Variants in SPATA17 observed in about 807,000 individuals in gnomAD.
SPATA17 encodes the protein spermatogenesis associated 17.
A neutral mutation model predicts 62.2 loss-of-function variants in SPATA17; 53 were observed. The observed-to-expected ratio is 0.85, with a 90% confidence interval of 0.68 to 1.07. The LOEUF (loss-of-function observed/expected upper bound fraction) is 1.07. SPATA17 is among the 50% of genes least tolerant of loss of function. The pLI, the probability that SPATA17 is intolerant of heterozygous loss-of-function variation, is 0.00. For synonymous variants in SPATA17, 146 were observed against 146.8 expected (o/e 0.99, Z 0.04); for missense variants, 466 against 425.5 (o/e 1.10, Z -0.84).
At chr1:217,726,865 T>C (rs193126264) in intron 5 of SPATA17, among the ~76,000 whole-genome samples, 1 of 152,050 alleles carries the variant, frequency 6.6e-6, no homozygotes, top group East Asian at 1.9e-4. Flanking sequence ...TTAAATGGAG[T>C]ATCATCTTTA....
intron 9 of SPATA17, among the ~76,000 whole-genome samples, chr1:217,834,132 C>T (rs1474404205): frequency 6.6e-6 from 1 of 152,090 alleles, no homozygotes; most frequent in African/African-American, 2.4e-5. Flanking sequence ...GATGTCGTGC[C>T]ACATTGCATT....
Position 217,774,521 on chromosome 1 carries a change from A to G in SPATA17, c.707A>G (p.Asn236Ser), listed in dbSNP as rs371913783. ...CGGTCTGAAATTCTACCACCTATTA[A>G]TAGAAAGCAATGTCAGGTACTAGTT... ...FPRSEILPPI[N>S]RKQCQGPFRD... The change falls in exon 7 of 11, where the codon AAT (asparagine) becomes AGT (serine). Residue 236 changes from asparagine (N) to serine (S), a missense_variant. By Grantham distance (46) the Asn-to-Ser change is conservative (BLOSUM62 1). Coordinates refer to ENST00000366933, the MANE Select transcript of SPATA17 (RefSeq NM_138796.4). 1.9e-6 allele frequency: 3 copies of G among 1,613,594 alleles called. No homozygotes were observed. The highest frequency in any genetic ancestry group is 2.5e-6 in the Non-Finnish European group (3 of 1,179,752).
chr1:217,732,965 A>G (rs577876477), intron 5 of SPATA17, among the ~76,000 whole-genome samples: 2 of 152,286 alleles, frequency 1.3e-5, no homozygotes, highest in East Asian at 1.9e-4. Flanking sequence ...TAGAAAGAAT[A>G]CTATACAAAA....
At chr1:217,714,488 C>CTTTTTGTTTTTTTTTTTTTTTTTTTT (rs1671952607) in intron 5 of SPATA17, among the ~76,000 whole-genome samples, 2 of 121,432 alleles carry the variant, frequency 1.6e-5, no homozygotes, top group East Asian at 2.3e-4. Flanking sequence ...AAACGTGTTT[C>CTTTTTGTTTTTTTTTTTTTTTTTTTT]TTTTTTTTTT....
chr1:217,647,162 G>A (rs552245982), intron 1 of SPATA17, among the ~76,000 whole-genome samples: 1 of 152,332 alleles, frequency 6.6e-6, no homozygotes, highest in African/African-American at 2.4e-5. Context: ...TTAGTAAAAC[G>A]TATTTATTTC....
chr1:217,782,162 C>G lies in SPATA17; in HGVS notation c.724-12C>G. ...TTCCATATAAAATATGTTCCTCATC[C>G]TGTCTTGTCAGGGGCCCTTCCGAGA... On this transcript the variant is annotated splice_polypyrimidine_tract_variant and intron_variant, in intron 7 of 10. Coordinates refer to ENST00000366933, the MANE Select transcript of SPATA17 (RefSeq NM_138796.4). 6.4e-7 allele frequency: 1 copy of G among 1,572,976 alleles called. No individual in the cohort carries two copies. The highest frequency in any genetic ancestry group is 8.6e-7 in the Non-Finnish European group (1 of 1,163,072).
At chr1:217,857,683 G>A (rs72730529) in intron 9 of SPATA17, among the ~76,000 whole-genome samples, 4,591 of 152,198 alleles carry the variant, frequency 0.03, 101 homozygotes, top group Middle Eastern at 0.051. Context: ...ATCAACACCA[G>A]ATTTCTCCCA....
At chr1:217,810,330 A>G (rs181434664) in intron 9 of SPATA17, among the ~76,000 whole-genome samples, 74 of 152,328 alleles carry the variant, frequency 4.9e-4, no homozygotes, top group Admixed American at 1.0e-3. Context: ...ACACATTATT[A>G]TTCTTGTTGG....
chr1:217,771,832 G>A (rs1428370125), intron 6 of SPATA17, among the ~76,000 whole-genome samples: 1 of 98,998 alleles, frequency 1.0e-5, no homozygotes, highest in African/African-American at 4.0e-5. Flanking sequence ...ATGTATACAC[G>A]TGCATGCAAA....
At chr1:217,774,060 A>C (rs936998920) in intron 6 of SPATA17, among the ~76,000 whole-genome samples, 1 of 152,190 alleles carries the variant, frequency 6.6e-6, no homozygotes, top group Admixed American at 6.5e-5. Flanking sequence ...TGATGTAAAA[A>C]GGCTGTGTGA....
chr1:217,850,590 AG>A, intron 9 of SPATA17: 1 of 1,596,600 alleles, frequency 6.3e-7, no homozygotes, highest in Non-Finnish European at 8.6e-7. Flanking sequence ...CTCCACTTCA[AG>A]GGTGATGGTC....
intron 9 of SPATA17, among the ~76,000 whole-genome samples, chr1:217,820,321 A>T (rs1450729664): frequency 6.6e-6 from 1 of 152,074 alleles, no homozygotes; most frequent in African/African-American, 2.4e-5. Context: ...TGGATACTGA[A>T]TTTTAGAGAG....
chr1:217,650,695 A>G (rs551452908), intron 2 of SPATA17, among the ~76,000 whole-genome samples: 65 of 152,338 alleles, frequency 4.3e-4, no homozygotes, highest in African/African-American at 1.5e-3. Flanking sequence ...AAGTGCTGGG[A>G]TTACGGGCAT....
chr1:217,645,729 T>A (rs1670166719), intron 1 of SPATA17, among the ~76,000 whole-genome samples: 1 of 152,182 alleles, frequency 6.6e-6, no homozygotes, highest in Non-Finnish European at 1.5e-5. Flanking sequence ...TTGTATCTTT[T>A]CCATGTTGGC....
chr1:217,806,286 G>T lies in SPATA17; in HGVS notation c.1005+4436G>T, dbSNP rs1052362821. 2.0e-5 allele frequency among the ~76,000 whole-genome samples: 3 copies of T among 152,166 alleles called. No individual in the cohort carries two copies. The South Asian group carries it at 6.2e-4, about 31-fold the overall frequency. ...GGTGAGGTAGAGTCTCTCTGCAAGG[G>T]TCCTGCCCACATAGCTCCGTGTAAG... On this transcript the variant is annotated intron_variant, in intron 9 of 10. Coordinates refer to ENST00000366933, the MANE Select transcript of SPATA17 (RefSeq NM_138796.4).
intron 5 of SPATA17, among the ~76,000 whole-genome samples, chr1:217,729,402 A>G (rs533224799): frequency 6.6e-6 from 1 of 152,316 alleles, no homozygotes; most frequent in South Asian, 2.1e-4. Context: ...ATTTCAGTAA[A>G]CCTCATTTTA....
At chr1:217,853,392 A>C (rs905728773) in intron 9 of SPATA17, among the ~76,000 whole-genome samples, 1 of 152,164 alleles carries the variant, frequency 6.6e-6, no homozygotes, top group African/African-American at 2.4e-5. Flanking sequence ...CACCCCTTAA[A>C]TAATAGTAGA....
intron 3 of SPATA17, among the ~76,000 whole-genome samples, chr1:217,659,609 G>A (rs757955570): frequency 2.6e-5 from 4 of 152,056 alleles, no homozygotes; most frequent in Non-Finnish European, 4.4e-5. Flanking sequence ...GATGTGCCTA[G>A]GGTTCTCAGC....
At chr1:217,701,047 T>G (rs149702865) in intron 5 of SPATA17, among the ~76,000 whole-genome samples, 6,742 of 152,206 alleles carry the variant, frequency 0.044, 231 homozygotes, top group Middle Eastern at 0.1. Context: ...TGATCTCAGC[T>G]TATTACAACC....
Sources: gnomAD v4.1 joint callset for allele counts (sites outside exome capture counted in the v4.1 genomes callset) on GRCh38, gnomAD v4.1.1 for gene constraint, MANE v1.5 for transcripts, NCBI Gene and HGNC (gene_info 2026-07-23, HGNC 2026-07-21) for gene names.